Variants in ERC2 observed in about 807,000 individuals in gnomAD.
ERC2 encodes the protein ELKS/RAB6-interacting/CAST family member 2, also known as ERC protein 2.
A neutral mutation model predicts 114.8 loss-of-function variants in ERC2; 42 were observed. The ratio of observed to expected loss-of-function variants is 0.37; its 90% CI spans 0.29 to 0.47. The LOEUF is 0.47. Ranked by LOEUF, ERC2 falls within the 20% of genes least tolerant of loss-of-function variation. The pLI is 0.99. For synonymous variants in ERC2, 454 were observed against 425.5 expected (o/e 1.07, Z -0.82); for missense variants, 939 against 1,150.7 (o/e 0.82, Z 2.66).
rs149374651 is a variant in ERC2 at position 56,270,899 on chromosome 3, A to G, written c.1074+25120T>C. On this transcript the variant is annotated intron_variant, in intron 3 of 17. Transcript: ENST00000288221. ...TGGGAGGCTGAGGCAGAAGAATGGC[A>G]TGAACCCAGAAGGCAGAGCTTGCAG... Among the ~76,000 whole-genome samples the G allele has an allele frequency of 9.9e-3, 1,500 of 152,236 alleles. 21 individuals are homozygous for G. The highest frequency in any genetic ancestry group is 0.034 in the African/African-American group (1,425 of 41,552).
intron 8 of ERC2, among the ~76,000 whole-genome samples, chr3:56,014,705 A>G (rs1202966779): frequency 1.3e-5 from 2 of 152,144 alleles, no homozygotes; most frequent in Non-Finnish European, 2.9e-5. Context: ...AAAAAATAAA[A>G]TCCTGCCAAG....
intron 13 of ERC2, among the ~76,000 whole-genome samples, chr3:55,896,025 G>A (rs2063827073): frequency 6.6e-6 from 1 of 152,178 alleles, no homozygotes; most frequent in African/African-American, 2.4e-5. Flanking sequence ...CAATAAAGAT[G>A]TCTCAGGTTC....
intron 16 of ERC2, among the ~76,000 whole-genome samples, chr3:55,698,443 G>A (rs972200759): frequency 1.6e-4 from 25 of 152,064 alleles, no homozygotes; most frequent in African/African-American, 4.8e-4. Flanking sequence ...AAAAGTTTTC[G>A]GAGCATCACA....
At chr3:55,933,980 G>A (rs1576263054) in intron 13 of ERC2, among the ~76,000 whole-genome samples, 2 of 152,096 alleles carry the variant, frequency 1.3e-5, no homozygotes, top group Admixed American at 1.3e-4. Flanking sequence ...TAATTTAGAG[G>A]TGGAAAATAC....
intron 15 of ERC2, among the ~76,000 whole-genome samples, chr3:55,711,275 T>C (rs946002155): frequency 2.0e-5 from 3 of 152,232 alleles, no homozygotes; most frequent in African/African-American, 7.2e-5. Context: ...GTTTTTATTA[T>C]GTAAATCATA....
chr3:55,669,966 T>C (rs1226708402), intron 17 of ERC2, among the ~76,000 whole-genome samples: 1 of 152,158 alleles, frequency 6.6e-6, no homozygotes, highest in Non-Finnish European at 1.5e-5. Flanking sequence ...TGAGAGGTGA[T>C]CAATGTAGAG....
At chr3:56,105,507 G>T (rs1365449370) in intron 6 of ERC2, among the ~76,000 whole-genome samples, 1 of 151,900 alleles carries the variant, frequency 6.6e-6, no homozygotes, top group Non-Finnish European at 1.5e-5. Context: ...TAAGAGATGG[G>T]GTCTTGCTAC....
intron 17 of ERC2, among the ~76,000 whole-genome samples, chr3:55,551,906 G>C (rs1001171535): frequency 2.0e-5 from 3 of 152,186 alleles, no homozygotes; most frequent in African/African-American, 7.2e-5. Context: ...CTCAGATTCA[G>C]CCATTATCAA....
chr3:56,196,307 T>C (rs939645065), intron 3 of ERC2, among the ~76,000 whole-genome samples: 35 of 152,132 alleles, frequency 2.3e-4, no homozygotes, highest in Admixed American at 3.3e-4. Flanking sequence ...AGATCTTGAT[T>C]AAACATATGA....
intron 14 of ERC2, among the ~76,000 whole-genome samples, chr3:55,814,324 G>A (rs2149134769): frequency 6.6e-6 from 1 of 152,186 alleles, no homozygotes; most frequent in East Asian, 1.9e-4. Flanking sequence ...CAAAGCCAGT[G>A]GTAATATACT....
intron 13 of ERC2, among the ~76,000 whole-genome samples, chr3:55,908,940 G>A (rs944954608): frequency 2.0e-5 from 3 of 152,196 alleles, no homozygotes; most frequent in African/African-American, 7.2e-5. Flanking sequence ...CTGACATGAA[G>A]TAGTCCCTCG....
At position 55,720,121 on chromosome 3, in the gene ERC2, CTTCTTCT is replaced by C. The variant is rs1559546654; in HGVS notation, c.2712+14643_2712+14649del. Among the ~76,000 whole-genome samples, 121 of 24,014 alleles carry C rather than the reference CTTCTTCT, an allele frequency of 5.0e-3. 56 individuals carry two copies. The highest frequency in any genetic ancestry group is 5.7e-3 in the East Asian group (4 of 700). 15.8% of individuals were successfully genotyped at this position (24,014 alleles called of 152,430 possible). On this transcript the variant is annotated intron_variant, in intron 15 of 17. Coordinates refer to ENST00000288221, the MANE Select transcript of ERC2 (RefSeq NM_015576.3). ...TCCCATCCCCCTCCTCCTCCTCCTC[CTTCTTCT>C]TCCTCTTCTTCTTCCTCTTCTTCTT...
chr3:55,815,738 C>A (rs2059883105), intron 14 of ERC2, among the ~76,000 whole-genome samples: 1 of 152,158 alleles, frequency 6.6e-6, no homozygotes, highest in Admixed American at 6.5e-5. Context: ...GGGGGATTCC[C>A]CAGATGTAGC....
intron 14 of ERC2, among the ~76,000 whole-genome samples, chr3:55,862,742 C>T (rs1232114576): frequency 6.6e-6 from 1 of 152,166 alleles, no homozygotes; most frequent in Non-Finnish European, 1.5e-5. Flanking sequence ...ATGTCGAATT[C>T]TGCTGTTCAA....
intron 11 of ERC2, among the ~76,000 whole-genome samples, chr3:55,990,640 C>G (rs1257939593): frequency 6.6e-6 from 1 of 152,114 alleles, no homozygotes; most frequent in African/African-American, 2.4e-5. Flanking sequence ...GGCCTCAAAC[C>G]CCTAGGCTCA....
intron 13 of ERC2, among the ~76,000 whole-genome samples, chr3:55,903,312 A>G (rs1385756949): frequency 6.6e-6 from 1 of 152,240 alleles, no homozygotes; most frequent in Non-Finnish European, 1.5e-5. Flanking sequence ...CTAGTCTCCT[A>G]TAAAGTGATT....
chr3:56,022,462 C>A (rs968883498), intron 7 of ERC2, among the ~76,000 whole-genome samples: 29 of 152,078 alleles, frequency 1.9e-4, no homozygotes, highest in African/African-American at 7.0e-4. Context: ...AAGGACTCTG[C>A]AGGAGAAAAT....
At chr3:56,248,355 A>G (rs191298320) in intron 3 of ERC2, among the ~76,000 whole-genome samples, 89 of 152,236 alleles carry the variant, frequency 5.8e-4, no homozygotes, top group Non-Finnish European at 1.0e-3. Context: ...CGGCCTCCCA[A>G]ACTGCTAGGA....
chr3:55,668,837 T>C (rs1442268472), intron 17 of ERC2, among the ~76,000 whole-genome samples: 2 of 152,210 alleles, frequency 1.3e-5, no homozygotes, highest in Non-Finnish European at 2.9e-5. Context: ...AGAATATACT[T>C]AACTTGAGTA....
Sources: gnomAD v4.1 joint callset for allele counts (sites outside exome capture counted in the v4.1 genomes callset) on GRCh38, gnomAD v4.1.1 for gene constraint, MANE v1.5 for transcripts, NCBI Gene and HGNC (gene_info 2026-07-23, HGNC 2026-07-21) for gene names.